SPAG16: variants seen among roughly 807,000 people sequenced by gnomAD.
The protein encoded by SPAG16 is sperm associated antigen 16, also known as sperm-associated antigen 16 protein.
A neutral mutation model predicts 80.4 loss-of-function variants in SPAG16; 86 were observed. The observed-to-expected ratio is 1.07, with a 90% CI of 0.90 to 1.28. The LOEUF (loss-of-function observed/expected upper bound fraction) is 1.28. Ranked by LOEUF, SPAG16 falls within the 50% of genes most tolerant of loss-of-function variation. SPAG16 has a pLI of 0.00. For synonymous variants in SPAG16, 294 were observed against 265.9 expected, an observed-to-expected ratio of 1.11 and a Z score of -1.03; for missense variants, 870 against 765.3, an observed-to-expected ratio of 1.14 and a Z score of -1.61.
chr2:213,903,744 A>G (rs2077319077), intron 11 of SPAG16, among the ~76,000 whole-genome samples: 1 of 152,060 alleles, frequency 6.6e-6, no homozygotes, highest in Non-Finnish European at 1.5e-5. Flanking sequence ...TTTCTATCAC[A>G]TTGTCATTTT....
intron 10 of SPAG16, among the ~76,000 whole-genome samples, chr2:213,782,995 C>A (rs1448398363): frequency 6.6e-6 from 1 of 151,638 alleles, no homozygotes; most frequent in Non-Finnish European, 1.5e-5. Flanking sequence ...GCGCTGCACC[C>A]ACTAACGTGT....
At chr2:213,966,433 C>G (rs1331233282) in intron 12 of SPAG16, among the ~76,000 whole-genome samples, 1 of 151,944 alleles carries the variant, frequency 6.6e-6, no homozygotes, top group Non-Finnish European at 1.5e-5. Flanking sequence ...ATAAGAAATG[C>G]TTCTAATATT....
chr2:213,557,189 C>T (rs539690277), intron 10 of SPAG16, among the ~76,000 whole-genome samples: 1 of 152,082 alleles, frequency 6.6e-6, no homozygotes, highest in East Asian at 1.9e-4. Context: ...CTGAAATCTG[C>T]CAGCTAATGG....
At chr2:214,143,992 T>C (rs1024221984) in intron 14 of SPAG16, among the ~76,000 whole-genome samples, 1 of 151,802 alleles carries the variant, frequency 6.6e-6, no homozygotes, top group East Asian at 1.9e-4. Flanking sequence ...ACCCTGTCTA[T>C]AAAAAAAATT....
At chr2:214,397,992 C>T (rs1042608669) in intron 15 of SPAG16, among the ~76,000 whole-genome samples, 2 of 152,144 alleles carry the variant, frequency 1.3e-5, no homozygotes, top group Non-Finnish European at 2.9e-5. Flanking sequence ...CACACCCTTC[C>T]GCCTGCCAGC....
At chr2:213,658,997 C>T (rs1186733743) in intron 10 of SPAG16, among the ~76,000 whole-genome samples, 3 of 152,038 alleles carry the variant, frequency 2.0e-5, no homozygotes, top group African/African-American at 7.2e-5. Context: ...GGTTGTGCCA[C>T]AGCACTCAAG....
intron 13 of SPAG16, among the ~76,000 whole-genome samples, chr2:214,103,296 A>G (rs187486452): frequency 1.6e-3 from 237 of 152,232 alleles, no homozygotes; most frequent in African/African-American, 5.2e-3. Context: ...ATCACCCAAC[A>G]TTTCAGTGGG....
intron 9 of SPAG16, among the ~76,000 whole-genome samples, chr2:213,477,563 A>T (rs2073484228): frequency 6.6e-6 from 1 of 152,230 alleles, no homozygotes; most frequent in Non-Finnish European, 1.5e-5. Context: ...TTAAGGTTTA[A>T]TGACTGCCCT....
At chr2:213,661,525 A>G (rs76457851) in intron 10 of SPAG16, among the ~76,000 whole-genome samples, 3,052 of 152,276 alleles carry the variant, frequency 0.02, 92 homozygotes, top group African/African-American at 0.068. Context: ...TTATACTCAA[A>G]CTTAAATAGA....
chr2:213,951,292 G>A (rs72950722), intron 12 of SPAG16, among the ~76,000 whole-genome samples: 22,223 of 152,042 alleles, frequency 0.15, 2,034 homozygotes, highest in Non-Finnish European at 0.21. Context: ...AAATTTGGTT[G>A]TCATAATGAT....
intron 14 of SPAG16, among the ~76,000 whole-genome samples, chr2:214,145,674 A>T (rs2055601784): frequency 6.6e-6 from 1 of 152,142 alleles, no homozygotes; most frequent in Admixed American, 6.6e-5. Context: ...TTTTCATCTC[A>T]GCTGTACCCT....
At chr2:213,742,733 A>G (rs535402040) in intron 10 of SPAG16, among the ~76,000 whole-genome samples, 1 of 141,550 alleles carries the variant, frequency 7.1e-6, no homozygotes, top group South Asian at 2.3e-4. Flanking sequence ...TGTATTTTTT[A>G]GTACAGACAG....
intron 13 of SPAG16, among the ~76,000 whole-genome samples, chr2:214,076,547 G>C (rs867343737): frequency 8.9e-4 from 116 of 129,744 alleles, no homozygotes; most frequent in Middle Eastern, 8.6e-3. Context: ...GTGTGTCTGT[G>C]TGTGTGTGTG....
At chr2:214,393,892 T>A (rs1701220292) in intron 15 of SPAG16, among the ~76,000 whole-genome samples, 1 of 152,170 alleles carries the variant, frequency 6.6e-6, no homozygotes, top group African/African-American at 2.4e-5. Context: ...ATAATGTCTA[T>A]TTTTTAAAAT....
In SPAG16 at chr2:213,434,707, C is replaced by T. The variant is rs189684661; in HGVS notation, c.943-55256C>T. Among the ~76,000 whole-genome samples, 14 of 152,266 alleles carry T rather than the reference C, an allele frequency of 9.2e-5. No homozygotes were observed. In the South Asian group the frequency reaches 1.9e-3, roughly 20 times the overall value. Reference sequence around the variant, plus strand: ...GGCTAACAAGCATAGAAAAGATGCTCAACATTACTAATCATCAGGGAACTG... The same window carrying T: ...GGCTAACAAGCATAGAAAAGATGCTTAACATTACTAATCATCAGGGAACTG... On this transcript the variant is annotated intron_variant, in intron 9 of 15. Transcript: ENST00000331683.
chr2:213,368,346 G>A (rs562729351), intron 8 of SPAG16, among the ~76,000 whole-genome samples: 4 of 152,198 alleles, frequency 2.6e-5, no homozygotes, highest in African/African-American at 9.6e-5. Context: ...TAGCTTGATG[G>A]CGATGGCATT....
chr2:213,995,032 A>G (rs1466279685), intron 12 of SPAG16, among the ~76,000 whole-genome samples: 1 of 152,228 alleles, frequency 6.6e-6, no homozygotes, highest in Non-Finnish European at 1.5e-5. Flanking sequence ...TATTAAAAAT[A>G]TGCTTTGATG....
chr2:213,788,527 A>G (rs892311499), intron 10 of SPAG16, among the ~76,000 whole-genome samples: 6 of 151,868 alleles, frequency 4.0e-5, no homozygotes, highest in Admixed American at 3.9e-4. Flanking sequence ...TTTAATTAGA[A>G]ACACTAAGAA....
intron 9 of SPAG16, among the ~76,000 whole-genome samples, chr2:213,408,987 AC>A (rs1167493446): frequency 6.6e-6 from 1 of 152,180 alleles, no homozygotes; most frequent in South Asian, 2.1e-4. Context: ...AGTCTAGTCC[AC>A]AGACATGAAG....
Sources: gnomAD v4.1 joint callset for allele counts (sites outside exome capture counted in the v4.1 genomes callset) on GRCh38, gnomAD v4.1.1 for gene constraint, MANE v1.5 for transcripts, NCBI Gene and HGNC (gene_info 2026-07-23, HGNC 2026-07-21) for gene names.